The following UGGT2 variants were observed in gnomAD, a reference collection of about 807,000 sequenced individuals.
UGGT2 encodes UDP-glucose glycoprotein glucosyltransferase 2.
Under a neutral mutation model 192.1 loss-of-function variants are expected in UGGT2, and 180 were observed. The observed-to-expected ratio is 0.94, with a 90% CI of 0.83 to 1.06. UGGT2 has a LOEUF of 1.06. UGGT2 is among the 50% of genes least tolerant of loss of function. UGGT2 has a pLI of 0.00. For synonymous variants in UGGT2, 580 were observed against 591.0 expected, an observed-to-expected ratio of 0.98 and a Z score of 0.27; for missense variants, 1,849 against 1,795.7, an observed-to-expected ratio of 1.03 and a Z score of -0.54.
chr13:95,827,326 C>A (rs921001048), intron 38 of UGGT2, among the ~76,000 whole-genome samples: 3 of 152,070 alleles, frequency 2.0e-5, no homozygotes, highest in African/African-American at 7.2e-5. Context: ...AGGATCTTTA[C>A]AGAGGAAATC....
At chr13:95,893,287 G>A (rs1372932046) in intron 24 of UGGT2, among the ~76,000 whole-genome samples, 1 of 152,050 alleles carries the variant, frequency 6.6e-6, no homozygotes, top group Non-Finnish European at 1.5e-5. Flanking sequence ...ATTATAAAAT[G>A]ACTCCCTATA....
At chr13:95,895,548 A>T (rs2047923642) in intron 22 of UGGT2, among the ~76,000 whole-genome samples, 1 of 152,018 alleles carries the variant, frequency 6.6e-6, no homozygotes, top group Non-Finnish European at 1.5e-5. Context: ...AAAAATTAGC[A>T]AATTATTTCC....
intron 20 of UGGT2, among the ~76,000 whole-genome samples, chr13:95,924,190 T>A (rs1594340118): frequency 6.6e-6 from 1 of 152,178 alleles, no homozygotes; most frequent in East Asian, 1.9e-4. Context: ...CTATAAGGAA[T>A]AAACAATTAT....
Position 95,890,650 on chromosome 13 carries a change from T to C in UGGT2, c.2958+212A>G, listed in dbSNP as rs1228941683. Among the ~76,000 whole-genome samples, 6 of 152,168 alleles carry C rather than the reference T, an allele frequency of 3.9e-5. 1 individual carries two copies. The South Asian group carries it at 6.2e-4, about 16-fold the overall frequency. ...GTTGAAATATGAATTTTGTGGGGAATACAATGCAGTTCACAGCAACACCTA... is the reference window on the plus strand; with the variant it reads ...GTTGAAATATGAATTTTGTGGGGAACACAATGCAGTTCACAGCAACACCTA... On this transcript the variant is annotated intron_variant, in intron 25 of 38. Transcript: ENST00000376747.
intron 20 of UGGT2, among the ~76,000 whole-genome samples, chr13:95,911,436 A>G (rs1289759144): frequency 6.6e-6 from 1 of 152,224 alleles, no homozygotes; most frequent in Non-Finnish European, 1.5e-5. Context: ...ACAAACTACC[A>G]TCAGAGAATA....
At chr13:95,810,251 A>C (rs1884513831) in intron 38 of UGGT2, among the ~76,000 whole-genome samples, 1 of 152,206 alleles carries the variant, frequency 6.6e-6, no homozygotes. Context: ...ATGGTATTGC[A>C]CTAAACACGG....
intron 34 of UGGT2, among the ~76,000 whole-genome samples, chr13:95,855,078 C>T (rs1889447517): frequency 7.2e-6 from 1 of 139,780 alleles, no homozygotes; most frequent in Admixed American, 7.7e-5. Context: ...TTGAGACCAG[C>T]CTGGGCAACA....
chr13:95,830,346 C>T (rs1490566177), intron 38 of UGGT2, among the ~76,000 whole-genome samples: 1 of 152,122 alleles, frequency 6.6e-6, no homozygotes, highest in East Asian at 1.9e-4. Flanking sequence ...AGCAGGCAAC[C>T]TACAGAATGG....
chr13:95,977,890 C>A (rs2050989444), intron 10 of UGGT2, among the ~76,000 whole-genome samples: 1 of 152,058 alleles, frequency 6.6e-6, no homozygotes, highest in South Asian at 2.1e-4. Flanking sequence ...ATGTCCTTTG[C>A]AGGGACATGG....
chr13:95,900,957 C>A lies in UGGT2; in HGVS notation c.2503-19G>T. On this transcript the variant is annotated intron_variant, in intron 21 of 38. Transcript: ENST00000376747. Reference sequence around the variant, plus strand: ...CCATCCCCTAAAGCAAAAGTTAAGACTGATGAAACTAATATGAGAACAGTA... The same window carrying A: ...CCATCCCCTAAAGCAAAAGTTAAGAATGATGAAACTAATATGAGAACAGTA... 6.6e-7 allele frequency: 1 copy of A among 1,519,368 alleles called. No individual in the cohort carries two copies. Among genetic ancestry groups the A allele is most frequent in the Non-Finnish European group, 8.8e-7 (1 of 1,137,886 alleles). The allele number at this position is 1,519,368 out of a possible 1,614,324, so 94.1% of individuals were successfully genotyped here.
At chr13:95,859,528 CAAT>C in intron 33 of UGGT2, 60 bp downstream of exon 33, 1 of 1,270,580 alleles carries the variant, frequency 7.9e-7, no homozygotes, top group Non-Finnish European at 1.1e-6. Flanking sequence ...TATAAACTTA[CAAT>C]GATACAAATA....
chr13:95,879,317 C>A (rs944578488), intron 27 of UGGT2, among the ~76,000 whole-genome samples: 3 of 152,146 alleles, frequency 2.0e-5, no homozygotes, highest in Non-Finnish European at 2.9e-5. Context: ...TTATTCAAAC[C>A]ACAACATACA....
chr13:95,852,095 A>G (rs1889109441), intron 36 of UGGT2, among the ~76,000 whole-genome samples: 1 of 152,058 alleles, frequency 6.6e-6, no homozygotes, highest in African/African-American at 2.4e-5. Flanking sequence ...AAAAAAATCA[A>G]CTCCTTACCA....
rs772427624 is a variant in UGGT2 at position 95,839,376 on chromosome 13, A to G, written c.4285-2174T>C. On this transcript the variant is annotated intron_variant, in intron 36 of 38. Transcript: ENST00000376747. ...AATTTGTTTAGTCTGGACATATCAC[A>G]TAAGTAAAATTATACATTATCAGGT... 5.5e-4 allele frequency among the ~76,000 whole-genome samples: 83 copies of G among 152,134 alleles called. 1 individual carries two copies. Among genetic ancestry groups the G allele is most frequent in the Non-Finnish European group, 4.6e-4 (31 of 67,998 alleles).
chr13:95,874,836 T>C (rs4773929), intron 29 of UGGT2, among the ~76,000 whole-genome samples: 60,040 of 151,808 alleles, frequency 0.4, 12,043 homozygotes, highest in Non-Finnish European at 0.42. Context: ...GGACTACAGG[T>C]GTGAGCTACT....
chr13:95,812,602 T>C (rs752333895), intron 38 of UGGT2, among the ~76,000 whole-genome samples: 3 of 152,156 alleles, frequency 2.0e-5, no homozygotes, highest in Non-Finnish European at 1.5e-5. Flanking sequence ...ATATCTCATA[T>C]TGAATTGAGT....
At chr13:96,007,157 G>A (rs1027699813) in intron 5 of UGGT2, among the ~76,000 whole-genome samples, 2 of 152,104 alleles carry the variant, frequency 1.3e-5, no homozygotes, top group African/African-American at 4.8e-5. Flanking sequence ...ATCGATAAAT[G>A]TAATACACCA....
At chr13:95,984,155 G>A (rs530867362) in intron 9 of UGGT2, among the ~76,000 whole-genome samples, 45 of 152,190 alleles carry the variant, frequency 3.0e-4, no homozygotes, top group African/African-American at 8.9e-4. Flanking sequence ...AAGCTGTTTT[G>A]CGTTATTTTG....
chr13:95,837,723 C>G (rs895719282), intron 36 of UGGT2, among the ~76,000 whole-genome samples: 2 of 152,154 alleles, frequency 1.3e-5, no homozygotes, highest in South Asian at 2.1e-4. Flanking sequence ...AGTTAGAGAC[C>G]TTTGGAGAGA....
Sources: gnomAD v4.1 joint callset for allele counts (sites outside exome capture counted in the v4.1 genomes callset) on GRCh38, gnomAD v4.1.1 for gene constraint, MANE v1.5 for transcripts, NCBI Gene and HGNC (gene_info 2026-07-23, HGNC 2026-07-21) for gene names.